Variants in NKIRAS1 observed in about 807,000 individuals in gnomAD.
NKIRAS1 encodes the protein NF-kappa-B inhibitor-interacting Ras-like protein 1.
NKIRAS1 carries 16 observed loss-of-function variants against 19.8 expected under a neutral mutation model. The observed-to-expected ratio is 0.81, with a 90% CI of 0.55 to 1.23. The LOEUF (loss-of-function observed/expected upper bound fraction) is 1.23, where lower values mean the gene tolerates loss of function less well. Among genes scored for constraint, NKIRAS1 ranks in the 50% most tolerant of loss-of-function variants. NKIRAS1 has a pLI of 0.00. For synonymous variants in NKIRAS1, 88 were observed against 79.0 expected (o/e 1.11, Z -0.61); for missense variants, 184 against 220.0 (o/e 0.84, Z 1.04).
At chr3:23,911,955 G>T (rs1575100770) in intron 1 of NKIRAS1, among the ~76,000 whole-genome samples, 2 of 151,906 alleles carry the variant, frequency 1.3e-5, no homozygotes, top group South Asian at 4.2e-4. Context: ...GTAGAGACGG[G>T]GTTTCACTAT....
chr3:23,945,534 C>T, intron 1 of NKIRAS1: 3 of 1,127,902 alleles, frequency 2.7e-6, no homozygotes, highest in Middle Eastern at 7.3e-4. Context: ...GGCGCTGCCC[C>T]CTCTGCGGGA....
At chr3:23,907,298 A>T (rs1703167314) in intron 3 of NKIRAS1, among the ~76,000 whole-genome samples, 1 of 152,026 alleles carries the variant, frequency 6.6e-6, no homozygotes, top group Non-Finnish European at 1.5e-5. Flanking sequence ...TTAACTGTTT[A>T]TGTTATCAGG....
At chr3:23,909,141 A>C (rs1471102738) in intron 3 of NKIRAS1, among the ~76,000 whole-genome samples, 1 of 152,234 alleles carries the variant, frequency 6.6e-6, no homozygotes, top group African/African-American at 2.4e-5. Flanking sequence ...ATTATAATAA[A>C]CACTAAATAT....
intron 1 of NKIRAS1, among the ~76,000 whole-genome samples, chr3:23,929,536 C>A (rs1333743556): frequency 6.6e-6 from 1 of 152,128 alleles, no homozygotes; most frequent in Non-Finnish European, 1.5e-5. Flanking sequence ...AAGCGATCCT[C>A]CCACCTCAGC....
intron 3 of NKIRAS1, among the ~76,000 whole-genome samples, chr3:23,907,368 T>C (rs932335241): frequency 1.3e-5 from 2 of 151,884 alleles, no homozygotes; most frequent in Non-Finnish European, 2.9e-5. Flanking sequence ...GGACAAAAAT[T>C]TGGTTGTCAA....
Position 23,900,937 on chromosome 3 carries a change from C to T in NKIRAS1, c.207G>A (p.Val69=), listed in dbSNP as rs1163348681. 4 of 1,614,166 alleles carry T rather than the reference C, an allele frequency of 2.5e-6. No individual in the cohort carries two copies. Among genetic ancestry groups the T allele is most frequent in the South Asian group, 1.1e-5 (1 of 91,090 alleles). The change falls in exon 4 of 5, where the codon GTG becomes GTA. Residue 69 remains valine, a synonymous_variant. Coordinates refer to ENST00000425478, the MANE Select transcript of NKIRAS1 (RefSeq NM_020345.4). ...LYDTRGLQEG[V]ELPKHYFSFA... The stretch of plus-strand genomic sequence containing the variant: ...ATGAAAAATAATGCTTTGGCAGCTC[C>T]ACGCCTTCCTGTAGACCTCTGGTGT...
At chr3:23,929,242 T>A (rs1232945393) in intron 1 of NKIRAS1, among the ~76,000 whole-genome samples, 1 of 150,980 alleles carries the variant, frequency 6.6e-6, no homozygotes, top group Non-Finnish European at 1.5e-5. Context: ...CAGGCGCCTG[T>A]AATCCCAGCT....
chr3:23,928,689 T>TA (rs10715656), intron 1 of NKIRAS1, among the ~76,000 whole-genome samples: 53 of 116,830 alleles, frequency 4.5e-4, no homozygotes, highest in South Asian at 1.7e-3. Flanking sequence ...GATTTAGGCT[T>TA]AAAAAAAAAA....
At chr3:23,914,687 C>T (rs1559508256) in intron 1 of NKIRAS1, among the ~76,000 whole-genome samples, 1 of 152,150 alleles carries the variant, frequency 6.6e-6, no homozygotes, top group African/African-American at 2.4e-5. Context: ...ATCCCTTGTC[C>T]TCAGGAATCT....
upstream of NKIRAS1, chr3:23,920,492 T>C: frequency 3.0e-6 from 3 of 985,026 alleles, no homozygotes; most frequent in Non-Finnish European, 3.6e-6. Context: ...CCACTTTGAC[T>C]ATGAGTATAC....
At chr3:23,933,901 CT>C (rs1705354826) in intron 1 of NKIRAS1, among the ~76,000 whole-genome samples, 1 of 152,180 alleles carries the variant, frequency 6.6e-6, no homozygotes, top group African/African-American at 2.4e-5. Flanking sequence ...GCCTTGGCTG[CT>C]GCATTCTCAT....
At chr3:23,937,690 C>T (rs1705420145) in intron 1 of NKIRAS1, among the ~76,000 whole-genome samples, 1 of 150,830 alleles carries the variant, frequency 6.6e-6, no homozygotes, top group Non-Finnish European at 1.5e-5. Context: ...TTCTTATTTT[C>T]TTTCTTACTT....
chr3:23,903,555 CCTAAT>C (rs1702727926), intron 3 of NKIRAS1, among the ~76,000 whole-genome samples: 1 of 151,974 alleles, frequency 6.6e-6, no homozygotes, highest in South Asian at 2.1e-4. Context: ...CAAAAAACTA[CCTAAT>C]CTATCAAAAA....
rs1441336431 is a variant in NKIRAS1, at chr3:23,926,021, A to G, written c.-139-14571T>C. On this transcript the variant is annotated intron_variant, in intron 1 of 4. Coordinates refer to the NKIRAS1 transcript ENST00000421515. This position sits in a 1 kb window ranked among gnomAD's most constrained non-coding sequence, Gnocchi z 4.3. ...TGACCATCACAGAAATTTCTGTTGT[A>G]TAGTGCCAATTTATTTATTTTTATT... Among the ~76,000 whole-genome samples, 1 of 152,130 alleles carries G rather than the reference A, an allele frequency of 6.6e-6. No homozygotes were observed. The highest frequency in any genetic ancestry group is 1.5e-5 in the Non-Finnish European group (1 of 68,028).
intron 1 of NKIRAS1, chr3:23,946,194 C>T (rs1304108885): frequency 1.0e-6 from 1 of 985,336 alleles, no homozygotes; most frequent in Non-Finnish European, 1.2e-6. Flanking sequence ...CGCGGCGGGG[C>T]GTCCCCGAAG....
At chr3:23,906,619 T>G (rs1032484282) in intron 3 of NKIRAS1, among the ~76,000 whole-genome samples, 1 of 151,494 alleles carries the variant, frequency 6.6e-6, no homozygotes, top group African/African-American at 2.4e-5. Flanking sequence ...AGTTAATAAA[T>G]AGTAAATATA....
chr3:23,920,986 C>T (rs79046159), upstream of NKIRAS1: 1 of 158,008 alleles, frequency 6.3e-6, no homozygotes, highest in African/African-American at 2.4e-5. Flanking sequence ...TACTTATTCT[C>T]TCAGTTCTTT....
chr3:23,945,987 C>G (rs928164144), intron 1 of NKIRAS1: 5 of 547,496 alleles, frequency 9.1e-6, no homozygotes, highest in Non-Finnish European at 1.2e-5. Context: ...GCTCGGCTCC[C>G]TGACCCACAT....
At chr3:23,910,736 T>C (rs1029870293) in intron 3 of NKIRAS1, 75 bp downstream of exon 3, 2 of 1,021,606 alleles carry the variant, frequency 2.0e-6, no homozygotes, top group Non-Finnish European at 3.1e-6. Flanking sequence ...CAACCACCTT[T>C]AGTTTAGCAT....
Sources: gnomAD v4.1 joint callset for allele counts (sites outside exome capture counted in the v4.1 genomes callset) on GRCh38, gnomAD v4.1.1 for gene constraint, Gnocchi (gnomAD v3.1) non-coding constraint, MANE v1.5 for transcripts, NCBI Gene and HGNC (gene_info 2026-07-23, HGNC 2026-07-21) for gene names.